The following IL1RAPL2 variants were observed in gnomAD, a reference collection of about 807,000 sequenced individuals.
IL1RAPL2 encodes interleukin 1 receptor accessory protein like 2.
A neutral mutation model predicts 44.1 loss-of-function variants in IL1RAPL2; 3 were observed. The ratio of observed to expected loss-of-function variants is 0.07; its 90% CI spans 0.03 to 0.18. IL1RAPL2 has a LOEUF of 0.18. Among genes scored for constraint, IL1RAPL2 ranks in the 10% least tolerant of loss-of-function variants. The probability of loss-of-function intolerance (pLI) is 1.00; values close to 1 mark genes in which losing one functional copy is unlikely to be tolerated. For missense variants in IL1RAPL2, 391 were observed against 496.4 expected (o/e 0.79, Z 2.02); for synonymous variants, 181 against 178.8 (o/e 1.01, Z -0.10).
At position 105,220,513 on chromosome X, in the gene IL1RAPL2, G is replaced by A. The variant is rs182068237; in HGVS notation, c.357-13305G>A. 1.4e-4 allele frequency: 98 copies of A among 689,160 alleles called. 1 individual carries two copies. The African/African-American group carries it at 1.7e-3, about 12-fold the overall frequency. 56.8% of individuals were successfully genotyped at this position (689,160 alleles called of 1,213,427 possible). A position where few individuals can be genotyped will look rare whatever the true frequency, so the allele number is the denominator to read the frequency against. On this transcript the variant is annotated intron_variant, in intron 3 of 10. Transcript: ENST00000372582. ...CATCTTCTCCCGCCCTCTTGTCCCC[G>A]CCCTACCCGCTCTGACAAGACCGTC...
At chrX:104,767,346 G>A (rs1022791059) in intron 2 of IL1RAPL2, among the ~76,000 whole-genome samples, 1 of 111,862 alleles carries the variant, frequency 8.9e-6, no homozygotes, top group Non-Finnish European at 1.9e-5. Context: ...ATTTTCTGAT[G>A]TCTCTGCTTT....
chrX:105,571,463 C>T (rs894701617), intron 6 of IL1RAPL2, among the ~76,000 whole-genome samples: 8 of 110,819 alleles, frequency 7.2e-5, no homozygotes, highest in Admixed American at 3.9e-4. Context: ...CATATATTTC[C>T]CCTCATGTTA....
At chrX:104,944,258 G>T (rs1925283412) in intron 2 of IL1RAPL2, among the ~76,000 whole-genome samples, 1 of 111,741 alleles carries the variant, frequency 8.9e-6, no homozygotes, top group African/African-American at 3.2e-5. Flanking sequence ...TTCATTTCCG[G>T]ATTTTTCTCT....
chrX:105,639,546 A>C (rs929524766), intron 6 of IL1RAPL2, among the ~76,000 whole-genome samples: 3 of 111,794 alleles, frequency 2.7e-5, no homozygotes, highest in African/African-American at 9.8e-5. Flanking sequence ...CGAATTAAAT[A>C]TAATACTTTA....
At chrX:104,625,733 G>A (rs915826126) in intron 1 of IL1RAPL2, among the ~76,000 whole-genome samples, 5 of 111,298 alleles carry the variant, frequency 4.5e-5, no homozygotes, top group Admixed American at 1.9e-4. Context: ...GTGGCCCCTC[G>A]TCTGTGCCAG....
At chrX:105,362,265 G>A (rs1171858640) in intron 5 of IL1RAPL2, among the ~76,000 whole-genome samples, 1 of 111,374 alleles carries the variant, frequency 9.0e-6, no homozygotes, top group Non-Finnish European at 1.9e-5. Context: ...AAATGTGAAG[G>A]TGGATGGATG....
chrX:104,950,507 A>G lies in IL1RAPL2; in HGVS notation c.83-244968A>G, dbSNP rs758542743. Among the ~76,000 whole-genome samples, 5 of 111,985 alleles carry G rather than the reference A, an allele frequency of 4.5e-5. No individual in the cohort carries two copies. The East Asian group carries it at 1.4e-3, about 32-fold the overall frequency. On this transcript the variant is annotated intron_variant, in intron 2 of 10. Coordinates refer to ENST00000372582, the MANE Select transcript of IL1RAPL2 (RefSeq NM_017416.2). ...GCTGTGGTGGGCTCCACCCATTTCG[A>G]GCTTCGGGGCTGCTTTGTTTACCTA...
intron 2 of IL1RAPL2, among the ~76,000 whole-genome samples, chrX:105,111,358 G>T (rs943504453): frequency 9.0e-6 from 1 of 111,393 alleles, no homozygotes; most frequent in Admixed American, 9.5e-5. Flanking sequence ...GGGTACAGTG[G>T]CCTCTTCTCT....
intron 1 of IL1RAPL2, chrX:104,647,484 G>T: frequency 1.8e-6 from 1 of 566,633 alleles, no homozygotes; most frequent in Non-Finnish European, 3.1e-6. Context: ...CCGAAGGTGG[G>T]ATGTGTCAAG....
intron 2 of IL1RAPL2, among the ~76,000 whole-genome samples, chrX:105,168,452 T>C (rs1334073902): frequency 2.1e-5 from 2 of 97,217 alleles, no homozygotes; most frequent in African/African-American, 3.6e-5. Context: ...TGTGTGTGTG[T>C]GCACGTGCAT....
chrX:105,761,468 T>C (rs770167827), intron 10 of IL1RAPL2, among the ~76,000 whole-genome samples: 3 of 111,901 alleles, frequency 2.7e-5, no homozygotes, highest in Admixed American at 9.5e-5. Flanking sequence ...GGTAACCCAC[T>C]GTAAGCCTCT....
rs1008654845 is a variant in IL1RAPL2 at position 104,566,453 on chromosome X, A to G, written c.-618A>G. 7.1e-5 allele frequency: 8 copies of G among 112,960 alleles called. No homozygotes were observed. Among genetic ancestry groups the G allele is most frequent in the South Asian group, 3.7e-4 (1 of 2,723 alleles). 9.3% of individuals were successfully genotyped at this position (112,960 alleles called of 1,213,427 possible). A position where few individuals can be genotyped will look rare whatever the true frequency, so the allele number is the denominator to read the frequency against. On this transcript the variant is annotated 5_prime_UTR_variant, in exon 1 of 11. Coordinates refer to ENST00000372582, the MANE Select transcript of IL1RAPL2 (RefSeq NM_017416.2). ...ACAGGAGGGAGAGAGGTGGACAGGC[A>G]GAGTCTGCACCTGCCGCCTGCACCT...
chrX:105,240,874 C>A (rs781917433), intron 4 of IL1RAPL2, among the ~76,000 whole-genome samples: 1 of 111,193 alleles, frequency 9.0e-6, no homozygotes, highest in Non-Finnish European at 1.9e-5. Context: ...CCTGTCATCC[C>A]AACACTTTGG....
intron 2 of IL1RAPL2, among the ~76,000 whole-genome samples, chrX:104,892,209 G>A (rs920304935): frequency 6.3e-5 from 7 of 111,663 alleles, no homozygotes; most frequent in Middle Eastern, 4.6e-3. Flanking sequence ...GTATTTTATT[G>A]AGGATTTTTG....
rs142393558 is a variant in IL1RAPL2 at position 105,764,031 on chromosome X, T to G, written c.1364-2933T>G. 8.2e-4 allele frequency among the ~76,000 whole-genome samples: 91 copies of G among 111,617 alleles called. No individual in the cohort carries two copies. The East Asian group carries it at 0.021, about 26-fold the overall frequency. On this transcript the variant is annotated intron_variant, in intron 10 of 10. Transcript: ENST00000372582. ...CAAACCAGGATAATTTAGACCTTTT[T>G]TCTTCTACAGGAGGTTTTCAGCAGG...
At chrX:105,336,161 C>A (rs1254144425) in intron 5 of IL1RAPL2, among the ~76,000 whole-genome samples, 1 of 112,029 alleles carries the variant, frequency 8.9e-6, no homozygotes, top group African/African-American at 3.2e-5. Flanking sequence ...ATCAGAGAGC[C>A]ATTCGGCTCA....
At chrX:105,337,902 C>G (rs1188445891) in intron 5 of IL1RAPL2, among the ~76,000 whole-genome samples, 1 of 111,015 alleles carries the variant, frequency 9.0e-6, no homozygotes, top group Non-Finnish European at 1.9e-5. Context: ...CACACACACA[C>G]ACACACACAC....
At chrX:104,876,616 TCA>T (rs1333963156) in intron 2 of IL1RAPL2, among the ~76,000 whole-genome samples, 2 of 107,044 alleles carry the variant, frequency 1.9e-5, no homozygotes, top group Non-Finnish European at 3.9e-5. Flanking sequence ...AAAAACTGGT[TCA>T]CACACACAAC....
intron 2 of IL1RAPL2, among the ~76,000 whole-genome samples, chrX:105,174,409 T>C (rs1235100776): frequency 9.0e-6 from 1 of 111,077 alleles, no homozygotes; most frequent in African/African-American, 3.3e-5. Context: ...TAAACAGACA[T>C]AAACAACTGG....
Sources: gnomAD v4.1 joint callset for allele counts (sites outside exome capture counted in the v4.1 genomes callset) on GRCh38, gnomAD v4.1.1 for gene constraint, MANE v1.5 for transcripts, NCBI Gene and HGNC (gene_info 2026-07-23, HGNC 2026-07-21) for gene names.